PCDHGA2: variants seen among roughly 807,000 people sequenced by gnomAD.
PCDHGA2 encodes protocadherin gamma-A2.
PCDHGA2 carries 40 observed loss-of-function variants against 59.2 expected under a neutral mutation model. That is an observed-to-expected ratio of 0.68 (90% confidence interval 0.52 to 0.88). PCDHGA2 has a LOEUF of 0.88. PCDHGA2 is among the 40% of genes least tolerant of loss of function. The pLI, the probability that PCDHGA2 is intolerant of heterozygous loss-of-function variation, is 0.00. For missense variants in PCDHGA2, 1,226 were observed against 1,204.0 expected, an observed-to-expected ratio of 1.02 and a Z score of -0.27; for synonymous variants, 560 against 526.0, an observed-to-expected ratio of 1.06 and a Z score of -0.89.
At chr5:141,422,576 C>T in intron 1 of PCDHGA2, 1 of 1,614,034 alleles carries the variant, frequency 6.2e-7, no homozygotes, top group South Asian at 1.1e-5. Context: ...AACGATAACC[C>T]TCCCGTTTTT....
chr5:141,361,957 G>A lies in PCDHGA2; in HGVS notation c.2424+20562G>A, dbSNP rs976081209. On this transcript the variant is annotated intron_variant, in intron 1 of 3. Transcript: ENST00000394576. The stretch of plus-strand genomic sequence containing the variant: ...ACACAACGCTTGGCTGTCCTACCAC[G>A]TGCTGCAGGCCAGCGAGCCCGGGCT... 15 of 1,603,004 alleles carry A rather than the reference G, an allele frequency of 9.4e-6. No homozygotes were observed. In the Admixed American group the frequency reaches 2.0e-4, roughly 22 times the overall value.
In PCDHGA2 at chr5:141,477,875, G is replaced by A. The variant is rs760433987; in HGVS notation, c.2425-16932G>A. Reference sequence around the variant, plus strand: ...GATGCTGCCTCGAGGTACCTCAGCTGGCCACCTAGTGTCACGGGTGGTAGG... The same window carrying A: ...GATGCTGCCTCGAGGTACCTCAGCTAGCCACCTAGTGTCACGGGTGGTAGG... On this transcript the variant is annotated intron_variant, in intron 1 of 3. Coordinates refer to ENST00000394576, the MANE Select transcript of PCDHGA2 (RefSeq NM_018915.4). The surrounding 1 kb of genome is among the most constrained non-coding windows in gnomAD (Gnocchi z 4.9). 1 of 1,614,162 alleles carries A rather than the reference G, an allele frequency of 6.2e-7. No homozygotes were observed. Among genetic ancestry groups the A allele is most frequent in the Non-Finnish European group, 8.5e-7 (1 of 1,180,028 alleles).
chr5:141,441,310 C>T (rs2098239133), intron 1 of PCDHGA2: 1 of 152,154 alleles, frequency 6.6e-6, no homozygotes, highest in Non-Finnish European at 1.5e-5. Context: ...AGAAAATGCA[C>T]CTTGAGAAAA....
At chr5:141,395,215 A>G in intron 1 of PCDHGA2, 1 of 1,612,350 alleles carries the variant, frequency 6.2e-7, no homozygotes, top group Middle Eastern at 1.7e-4. Context: ...CATGAATATA[A>G]GAATGAAGCT....
chr5:141,339,964 G>A lies in PCDHGA2; in HGVS notation c.993G>A (p.Ala331=). The A allele has an allele frequency of 1.2e-6, 2 of 1,614,110 alleles. No homozygotes were observed. The highest frequency in any genetic ancestry group is 1.3e-5 in the African/African-American group (1 of 75,042). The stretch of plus-strand genomic sequence containing the variant: ...ATGGTCCGGGCCTTCTAACCAGAGC[G>A]AAGGTTATCGTCACGGTTCTGGATG... ...AQDGPGLLTR[A]KVIVTVLDVN... Residue 331 remains alanine (A), a synonymous_variant, in exon 1 of 4, where the codon GCG becomes GCA. Transcript: ENST00000394576.
At chr5:141,419,640 T>C (rs2096410171) in intron 1 of PCDHGA2, 2 of 1,612,532 alleles carry the variant, frequency 1.2e-6, no homozygotes. Context: ...GTGGTGGCCG[T>C]GGACGCGGAC....
chr5:141,405,279 C>G, intron 1 of PCDHGA2: 1 of 1,614,144 alleles, frequency 6.2e-7, no homozygotes, highest in Non-Finnish European at 8.5e-7. Flanking sequence ...CCCAACTATG[C>G]AGACACACTC....
chr5:141,457,422 T>C (rs2098920028), intron 1 of PCDHGA2, among the ~76,000 whole-genome samples: 1 of 151,626 alleles, frequency 6.6e-6, no homozygotes. Flanking sequence ...CATCCCTTTT[T>C]CCCCCCCACC....
chr5:141,478,326 C>T, intron 1 of PCDHGA2: 1 of 1,613,950 alleles, frequency 6.2e-7, no homozygotes, highest in Admixed American at 1.7e-5. Flanking sequence ...CTGTACCGAA[C>T]ACCAGGGCCC....
In PCDHGA2 at chr5:141,345,638, C is replaced by T. The variant is rs370039699; in HGVS notation, c.2424+4243C>T. 178 of 1,614,198 alleles carry T rather than the reference C, an allele frequency of 1.1e-4. No individual in the cohort carries two copies. The African/African-American group carries it at 1.8e-3, about 16-fold the overall frequency. The stretch of plus-strand genomic sequence containing the variant: ...ACTTAAAGCTACTGGTGACAGCCAG[C>T]GACAGCGGGAACCCTCCACTCAGCA... On this transcript the variant is annotated intron_variant, in intron 1 of 3. Transcript: ENST00000394576.
At chr5:141,419,301 T>G in intron 1 of PCDHGA2, 6 of 1,613,998 alleles carry the variant, frequency 3.7e-6, no homozygotes, top group Non-Finnish European at 5.1e-6. Context: ...GACCCAGACT[T>G]CGGGCTCAAC....
intron 1 of PCDHGA2, chr5:141,388,942 T>C: frequency 6.2e-7 from 1 of 1,614,004 alleles, no homozygotes; most frequent in African/African-American, 1.3e-5. Flanking sequence ...CTACCCAACC[T>C]AATTATGGAG....
intron 1 of PCDHGA2, chr5:141,413,721 C>A (rs779673406): frequency 6.2e-7 from 1 of 1,613,592 alleles, no homozygotes. Context: ...ATAAGCACTT[C>A]TCCCTAAGAG....
At chr5:141,365,388 C>G in intron 1 of PCDHGA2, 1 of 1,613,966 alleles carries the variant, frequency 6.2e-7, no homozygotes, top group South Asian at 1.1e-5. Context: ...ACCTCTCTGA[C>G]CAGTTCGATC....
chr5:141,396,112 A>G (rs916569843), intron 1 of PCDHGA2: 4 of 152,232 alleles, frequency 2.6e-5, no homozygotes, highest in Non-Finnish European at 2.9e-5. Flanking sequence ...TTAAGAACCA[A>G]TGTTTCAGGT....
intron 1 of PCDHGA2, chr5:141,405,210 A>G (rs752645800): frequency 1.2e-6 from 2 of 1,613,994 alleles, no homozygotes; most frequent in South Asian, 1.1e-5. Context: ...CTACAGACCT[A>G]TTCTCAGGAG....
At chr5:141,361,322 C>A (rs1475894704) in intron 1 of PCDHGA2, 1 of 1,613,960 alleles carries the variant, frequency 6.2e-7, no homozygotes. Flanking sequence ...ATTTTGAAAT[C>A]TTCCTCAAAG....
intron 1 of PCDHGA2, chr5:141,370,948 A>G (rs1401435063): frequency 6.2e-7 from 1 of 1,613,966 alleles, no homozygotes. Flanking sequence ...CAGAAGGAGA[A>G]CCTGGATGGC....
chr5:141,379,388 A>G (rs1218956688), intron 1 of PCDHGA2: 1 of 152,228 alleles, frequency 6.6e-6, no homozygotes, highest in Non-Finnish European at 1.5e-5. Flanking sequence ...AACAATTTTA[A>G]ACAACTTGAA....
Sources: allele counts gnomAD v4.1 joint callset (sites outside exome capture counted in the v4.1 genomes callset), GRCh38; gene constraint gnomAD v4.1.1; non-coding constraint Gnocchi (gnomAD v3.1); transcripts MANE v1.5; gene names NCBI Gene and HGNC (gene_info 2026-07-23, HGNC 2026-07-21).